CDH3: variants seen among roughly 807,000 people sequenced by gnomAD.
The protein encoded by CDH3 is cadherin-3.
In CDH3, 54 loss-of-function variants were observed where a neutral mutation model predicts 82.0. That is an observed-to-expected ratio of 0.66 (90% CI 0.53 to 0.83). The LOEUF is 0.83. CDH3 is among the 40% of genes least tolerant of loss of function. The pLI, the probability that CDH3 is intolerant of heterozygous loss-of-function variation, is 0.00. For missense variants in CDH3, 1,054 were observed against 1,084.6 expected, an observed-to-expected ratio of 0.97 and a Z score of 0.40; for synonymous variants, 446 against 437.9, an observed-to-expected ratio of 1.02 and a Z score of -0.23.
intron 1 of CDH3, among the ~76,000 whole-genome samples, chr16:68,716,423 C>G (rs1288949089): frequency 6.6e-6 from 1 of 151,332 alleles, no homozygotes; most frequent in Admixed American, 6.6e-5. Flanking sequence ...GAGCTCGAGA[C>G]CAGGCTGGGC....
intron 15 of CDH3, among the ~76,000 whole-genome samples, chr16:68,697,593 G>A (rs1388187757): frequency 6.6e-6 from 1 of 152,182 alleles, no homozygotes; most frequent in Non-Finnish European, 1.5e-5. Context: ...CACCTCCAAA[G>A]ATTGTGATAT....
intron 1 of CDH3, among the ~76,000 whole-genome samples, chr16:68,710,629 A>G (rs9927407): frequency 0.25 from 38,253 of 150,824 alleles, 4,923 homozygotes; most frequent in Admixed American, 0.29. Context: ...AGGCCGAGGC[A>G]GGCGGATCGC....
At position 68,691,838 on chromosome 16, in the gene CDH3, C is replaced by A; in HGVS notation, c.1914C>A (p.Cys638Ter). 1 of 1,614,060 alleles carries A rather than the reference C, an allele frequency of 6.2e-7. No individual in the cohort carries two copies. Among genetic ancestry groups the A allele is most frequent in the South Asian group, 1.1e-5 (1 of 91,066 alleles). ...TGACGGTGATCAGGGCCACTGTGTG[C>A]GACTGCCATGGCCATGTCGAAACCT... ...EQLTVIRATV[C>*]DCHGHVETCP... The change falls in exon 13 of 16, where the codon TGC (cysteine) becomes TGA (stop). Residue 638 changes from cysteine (C) to a stop codon, truncating the protein, a stop_gained. Coordinates refer to ENST00000264012, the MANE Select transcript of CDH3 (RefSeq NM_001793.6). LOFTEE classifies it high-confidence loss of function.
At chr16:68,706,064 CAAAAAAAAA>C (rs548695101) in intron 1 of CDH3, among the ~76,000 whole-genome samples, 2 of 70,602 alleles carry the variant, frequency 2.8e-5, no homozygotes, top group African/African-American at 4.4e-5. Flanking sequence ...GACTCCGTCT[CAAAAAAAAA>C]AAAAAAAAAA....
At chr16:68,729,698 C>T (rs1567467418), downstream of CDH3, among the ~76,000 whole-genome samples, 1 of 152,206 alleles carries the variant, frequency 6.6e-6, no homozygotes, top group East Asian at 1.9e-4. Flanking sequence ...GTGGCGTGAT[C>T]TCGGCTCACT....
chr16:68,689,840 G>A (rs550555704), intron 12 of CDH3, among the ~76,000 whole-genome samples: 1 of 152,116 alleles, frequency 6.6e-6, no homozygotes, highest in East Asian at 1.9e-4. Context: ...ACCCGGGGAG[G>A]GGGTGGGGGT....
At chr16:68,706,205 G>A (rs967254412) in intron 1 of CDH3, among the ~76,000 whole-genome samples, 1 of 152,136 alleles carries the variant, frequency 6.6e-6, no homozygotes, top group Non-Finnish European at 1.5e-5. Flanking sequence ...ACTTGGACAG[G>A]TGTATCCTCA....
chr16:68,698,508 G>C lies in CDH3; in HGVS notation c.*108G>C. 1.0e-6 allele frequency: 1 copy of C among 986,710 alleles called. No individual in the cohort carries two copies. Among genetic ancestry groups the C allele is most frequent in the South Asian group, 1.4e-5 (1 of 69,900 alleles). 61.1% of individuals were successfully genotyped at this position (986,710 alleles called of 1,614,324 possible). Reference sequence around the variant, plus strand: ...CTTCGGAGCTTGTCAGGAAGTGGCCGTAGCAACTTGGCGGAGACAGGCTAT... The same window carrying C: ...CTTCGGAGCTTGTCAGGAAGTGGCCCTAGCAACTTGGCGGAGACAGGCTAT... On this transcript the variant is annotated 3_prime_UTR_variant, in exon 16 of 16. Transcript: ENST00000264012.
chr16:68,648,457 T>C (rs1444251525), intron 2 of CDH3, among the ~76,000 whole-genome samples: 1 of 151,566 alleles, frequency 6.6e-6, no homozygotes, highest in Non-Finnish European at 1.5e-5. Flanking sequence ...TGGCTTTTTT[T>C]TTTTTTTGAG....
chr16:68,681,074 C>T lies in CDH3; in HGVS notation c.974C>T (p.Ala325Val). 2 of 1,614,004 alleles carry T rather than the reference C, an allele frequency of 1.2e-6. No homozygotes were observed. Among genetic ancestry groups the T allele is most frequent in the Non-Finnish European group, 8.5e-7 (1 of 1,179,984 alleles). Residue 325 changes from alanine to valine, a missense_variant, in exon 8 of 16, where the codon GCT becomes GTT. Ala to Val is a moderately conservative substitution (Grantham distance 64). Transcript: ENST00000264012. ...VVEILDANDN[A>V]PMFDPQKYEA... ...GAGATCCTTGATGCCAATGACAATG[C>T]TCCCATGTTTGACCCCCAGAAGGTA...
At chr16:68,675,775 A>T (rs1961014484) in intron 2 of CDH3, among the ~76,000 whole-genome samples, 1 of 151,504 alleles carries the variant, frequency 6.6e-6, no homozygotes, top group Non-Finnish European at 1.5e-5. Flanking sequence ...GCCTGGTGAC[A>T]GAGCAAGACT....
rs1437616632 is a variant in CDH3, at chr16:68,678,565, G to GC, written c.461dup (p.Glu155Ter). On this transcript the variant is annotated frameshift_variant, in exon 5 of 16. Transcript: ENST00000264012. LOFTEE classifies it high-confidence loss of function. ...AGCATCACGGGGCCGGGGGCAGACA[G>GC]CCCCCCTGAGGGTGTCTTCGCTGTA... The GC allele has an allele frequency of 1.2e-6, 2 of 1,613,434 alleles. No individual in the cohort carries two copies. The highest frequency in any genetic ancestry group is 1.7e-6 in the Non-Finnish European group (2 of 1,180,014).
intron 2 of CDH3, among the ~76,000 whole-genome samples, chr16:68,655,444 C>G (rs113753260): frequency 0.011 from 1,697 of 152,282 alleles, 21 homozygotes; most frequent in Middle Eastern, 0.017. Context: ...GTTCTAGGTG[C>G]TGGGAATTCA....
chr16:68,733,266 G>A, the CDH3 span, among the ~76,000 whole-genome samples: 1 of 152,150 alleles, frequency 6.6e-6, no homozygotes, highest in African/African-American at 2.4e-5. Context: ...CTACAGGCAT[G>A]CACTGCCATG....
chr16:68,702,500 C>T (rs1961909533), downstream of CDH3, among the ~76,000 whole-genome samples: 2 of 152,070 alleles, frequency 1.3e-5, no homozygotes, highest in African/African-American at 4.8e-5. Context: ...CCCTGGCACT[C>T]ATTCTATTAA....
At chr16:68,668,842 A>C (rs976828077) in intron 2 of CDH3, among the ~76,000 whole-genome samples, 1 of 152,236 alleles carries the variant, frequency 6.6e-6, no homozygotes, top group Non-Finnish European at 1.5e-5. Flanking sequence ...AATTGTAAGT[A>C]GTCTAAGGTA....
intron 14 of CDH3, 75 bp downstream of exon 14, chr16:68,695,460 C>T: frequency 6.1e-6 from 9 of 1,464,072 alleles, no homozygotes; most frequent in Non-Finnish European, 8.4e-6. Flanking sequence ...GGTCAACCAA[C>T]TGACCAAGTT....
At chr16:68,679,305 A>G (rs1961135162) in intron 6 of CDH3, among the ~76,000 whole-genome samples, 1 of 152,252 alleles carries the variant, frequency 6.6e-6, no homozygotes, top group Admixed American at 6.5e-5. Context: ...TAGAAATACC[A>G]TGTGCAGACT....
At chr16:68,665,434 A>C (rs1014905887) in intron 2 of CDH3, among the ~76,000 whole-genome samples, 1 of 152,062 alleles carries the variant, frequency 6.6e-6, no homozygotes, top group Non-Finnish European at 1.5e-5. Context: ...ATAAAGCACA[A>C]CACATCATAT....
Sources: allele counts gnomAD v4.1 joint callset (sites outside exome capture counted in the v4.1 genomes callset), GRCh38; gene constraint gnomAD v4.1.1; transcripts MANE v1.5; gene names NCBI Gene and HGNC (gene_info 2026-07-23, HGNC 2026-07-21).